Variants in PCDHGA6 observed in about 807,000 individuals in gnomAD.
PCDHGA6 encodes the protein protocadherin gamma-A6.
Under a neutral mutation model 60.6 loss-of-function variants are expected in PCDHGA6, and 41 were observed. The observed-to-expected ratio is 0.68, with a 90% CI of 0.53 to 0.88. The LOEUF (loss-of-function observed/expected upper bound fraction) is 0.88, where lower values mean the gene tolerates loss of function less well. PCDHGA6 is among the 40% of genes least tolerant of loss of function. PCDHGA6 has a pLI of 0.00. For synonymous variants in PCDHGA6, 594 were observed against 524.4 expected, an observed-to-expected ratio of 1.13 and a Z score of -1.81; for missense variants, 1,312 against 1,203.0, an observed-to-expected ratio of 1.09 and a Z score of -1.34.
intron 1 of PCDHGA6, chr5:141,377,698 A>G (rs1274163537): frequency 6.6e-6 from 1 of 152,230 alleles, no homozygotes; most frequent in Non-Finnish European, 1.5e-5. Context: ...TTTACTACTT[A>G]GGAATCAAAA....
chr5:141,447,181 G>T (rs442221), intron 1 of PCDHGA6, among the ~76,000 whole-genome samples: 1 of 152,338 alleles, frequency 6.6e-6, no homozygotes, highest in Admixed American at 6.5e-5. Context: ...CTCTTGTCGC[G>T]CAGGCTGGAG....
At chr5:141,405,422 GTT>G in intron 1 of PCDHGA6, 2 of 1,509,830 alleles carry the variant, frequency 1.3e-6, no homozygotes, top group Non-Finnish European at 1.8e-6. Context: ...TTTGTTTTTT[GTT>G]TTGTTTTGTT....
chr5:141,490,331 C>G lies in PCDHGA6; in HGVS notation c.2425-4476C>G. 6.2e-7 allele frequency: 1 copy of G among 1,614,214 alleles called. No individual in the cohort carries two copies. The highest frequency in any genetic ancestry group is 1.1e-5 in the South Asian group (1 of 91,086). The stretch of plus-strand genomic sequence containing the variant: ...GCCAACCCTGTCCTAGAGAGCACAC[C>G]AGTGGGCACAGTAGTGGGGTTGTTT... On this transcript the variant is annotated intron_variant, in intron 1 of 3. Transcript: ENST00000517434. This position sits in a 1 kb window ranked among gnomAD's most constrained non-coding sequence, Gnocchi z 5.4.
intron 1 of PCDHGA6, chr5:141,384,715 T>C: frequency 6.2e-7 from 1 of 1,614,088 alleles, no homozygotes. Flanking sequence ...CTGGCTGTCA[T>C]ACCTCCTGCT....
At chr5:141,419,465 G>C (rs568864628) in intron 1 of PCDHGA6, 77 of 1,612,426 alleles carry the variant, frequency 4.8e-5, no homozygotes, top group Non-Finnish European at 6.4e-5. Context: ...GCAGGCCCGC[G>C]ACCAGGGCTC....
chr5:141,423,106 G>T lies in PCDHGA6; in HGVS notation c.2424+46599G>T, dbSNP rs562864937. On this transcript the variant is annotated intron_variant, in intron 1 of 3. Coordinates refer to ENST00000517434, the MANE Select transcript of PCDHGA6 (RefSeq NM_018919.3). ...CGCGGTGGGGGAGCACACGGGCGAGGTGCGTACAGCGCGGGCACTGCTGGA... is the reference window on the plus strand; with the variant it reads ...CGCGGTGGGGGAGCACACGGGCGAGTTGCGTACAGCGCGGGCACTGCTGGA... The T allele has an allele frequency of 1.2e-5, 19 of 1,613,894 alleles. No individual in the cohort carries two copies. The African/African-American group carries it at 2.1e-4, about 18-fold the overall frequency.
rs374476072 is a variant in PCDHGA6, at chr5:141,419,103, C to T, written c.2424+42596C>T. 5 of 1,613,886 alleles carry T rather than the reference C, an allele frequency of 3.1e-6. 1 individual carries two copies. Among genetic ancestry groups the T allele is most frequent in the South Asian group, 1.1e-5 (1 of 91,088 alleles). On this transcript the variant is annotated intron_variant, in intron 1 of 3. Transcript: ENST00000517434. ...GATGAGGCCCTGGATCGGGAGCAGA[C>T]CCCAGAGTACAACGTCACCATCGCA... is the stretch of plus-strand genomic sequence containing the variant.
intron 1 of PCDHGA6, chr5:141,382,918 G>T: frequency 2.6e-6 from 4 of 1,558,926 alleles, no homozygotes; most frequent in Non-Finnish European, 3.5e-6. Context: ...TCAGCCGAGG[G>T]GCGGGGACTA....
At position 141,389,190 on chromosome 5, in the gene PCDHGA6, A is replaced by G; in HGVS notation, c.2424+12683A>G. The G allele has an allele frequency of 6.2e-7, 1 of 1,614,034 alleles. No individual in the cohort carries two copies. The highest frequency in any genetic ancestry group is 8.5e-7 in the Non-Finnish European group (1 of 1,179,896). ...GCCTCCCCTCTCCTCCAGTTCCAGC[A>G]TCACCCTGCACATTGGTGATGTAAA... On this transcript the variant is annotated intron_variant, in intron 1 of 3. Coordinates refer to ENST00000517434, the MANE Select transcript of PCDHGA6 (RefSeq NM_018919.3).
chr5:141,425,714 A>G (rs1259037833), intron 1 of PCDHGA6, among the ~76,000 whole-genome samples: 1 of 152,218 alleles, frequency 6.6e-6, no homozygotes, highest in African/African-American at 2.4e-5. Context: ...AAATTTTCCC[A>G]TACCACTTGA....
In PCDHGA6 at chr5:141,376,412, G is replaced by A. The variant is rs1772658839; in HGVS notation, c.2329G>A (p.Asp777Asn). The change falls in exon 1 of 4, where the codon GAC becomes AAC. Residue 777 changes from aspartate (D) to asparagine (N), a missense_variant. Coordinates refer to ENST00000517434, the MANE Select transcript of PCDHGA6 (RefSeq NM_018919.3). The stretch of plus-strand genomic sequence containing the variant: ...GATTTTCCCCCAGCCCAACTATGCC[G>A]ACACGCTTATCAACCAGGAGAGCTA... ...HLIFPQPNYA[D>N]TLINQESYEK... is the part of the protein sequence containing the mutation. The A allele has an allele frequency of 1.9e-6, 3 of 1,614,164 alleles. No individual in the cohort carries two copies. The highest frequency in any genetic ancestry group is 1.3e-5 in the African/African-American group (1 of 75,034).
chr5:141,409,483 G>A, intron 1 of PCDHGA6: 1 of 1,613,944 alleles, frequency 6.2e-7, no homozygotes, highest in Non-Finnish European at 8.5e-7. Context: ...CCACTGACAG[G>A]GGCAAGCCGC....
rs1446743849 is a variant in PCDHGA6, at chr5:141,476,288, C to T, written c.2425-18519C>T. The T allele has an allele frequency of 1.3e-5, 21 of 1,613,980 alleles. No individual in the cohort carries two copies. The highest frequency in any genetic ancestry group is 2.2e-5 in the South Asian group (2 of 91,076). On this transcript the variant is annotated intron_variant, in intron 1 of 3. Coordinates refer to ENST00000517434, the MANE Select transcript of PCDHGA6 (RefSeq NM_018919.3). This position sits in a 1 kb window ranked among gnomAD's most constrained non-coding sequence, Gnocchi z 7.6. ...CGTGGTCGCGAACCTTGGTTTGGAT[C>T]TCGGTAGCCTCTCAGCCCGCAGGTT...
At chr5:141,438,949 A>G (rs538626951) in intron 1 of PCDHGA6, among the ~76,000 whole-genome samples, 1 of 152,170 alleles carries the variant, frequency 6.6e-6, no homozygotes, top group East Asian at 1.9e-4. Flanking sequence ...TATAGGCATG[A>G]GCCACCGCAC....
chr5:141,438,615 TATATATATATATATATATATAC>T (rs1275224820), intron 1 of PCDHGA6, among the ~76,000 whole-genome samples: 95 of 35,914 alleles, frequency 2.6e-3, no homozygotes, highest in East Asian at 8.4e-3. Flanking sequence ...TATATATATA[TATATATATATATATATATATAC>T]ACACACACAC....
intron 1 of PCDHGA6, chr5:141,421,221 G>A (rs746753262): frequency 6.3e-7 from 1 of 1,576,508 alleles, no homozygotes; most frequent in Non-Finnish European, 8.6e-7. Context: ...TCGGCTTAGA[G>A]CCTGCCATGG....
At chr5:141,395,138 C>G (rs147992300) in intron 1 of PCDHGA6, 3 of 1,614,204 alleles carry the variant, frequency 1.9e-6, no homozygotes, top group Non-Finnish European at 2.5e-6. Context: ...AGCCCAACTA[C>G]GCAGACATGC....
At chr5:141,413,605 G>A in intron 1 of PCDHGA6, 1 of 1,613,854 alleles carries the variant, frequency 6.2e-7, no homozygotes, top group Non-Finnish European at 8.5e-7. Flanking sequence ...AAATCTAGAC[G>A]TAAAAATTAA....
intron 1 of PCDHGA6, chr5:141,419,602 C>T (rs757423030): frequency 6.2e-7 from 1 of 1,611,874 alleles, no homozygotes; most frequent in Admixed American, 1.7e-5. Flanking sequence ...TGCCGCGGGC[C>T]GCGCAGCCAG....
Sources: allele counts gnomAD v4.1 joint callset (sites outside exome capture counted in the v4.1 genomes callset), GRCh38; gene constraint gnomAD v4.1.1; non-coding constraint Gnocchi (gnomAD v3.1); transcripts MANE v1.5; gene names NCBI Gene and HGNC (gene_info 2026-07-23, HGNC 2026-07-21).